Variants in ADGRG6 observed in about 807,000 individuals in gnomAD.
ADGRG6 encodes the protein adhesion G protein-coupled receptor G6, also known as G-protein coupled receptor 126.
In ADGRG6, 84 loss-of-function variants were observed where a neutral mutation model predicts 142.4. That is an observed-to-expected ratio of 0.59 (90% confidence interval 0.49 to 0.71). The LOEUF (loss-of-function observed/expected upper bound fraction) is 0.71, where lower values mean the gene tolerates loss of function less well. ADGRG6 is among the 30% of genes least tolerant of loss of function. ADGRG6 has a pLI of 0.00. For missense variants in ADGRG6, 1,367 were observed against 1,466.6 expected (o/e 0.93, Z 1.11); for synonymous variants, 521 against 520.5 (o/e 1.00, Z -0.01).
intron 22 of ADGRG6, among the ~76,000 whole-genome samples, chr6:142,433,544 G>C (rs1777319606): frequency 6.6e-6 from 1 of 152,110 alleles, no homozygotes; most frequent in Non-Finnish European, 1.5e-5. Flanking sequence ...AGGAGGATCA[G>C]CCTGCAAAGC....
chr6:142,405,931 G>T, intron 15 of ADGRG6, 103 bp downstream of exon 15: 2 of 788,206 alleles, frequency 2.5e-6, no homozygotes, highest in South Asian at 2.4e-5. Context: ...AGAAGGTTTA[G>T]AAAAATTTAC....
At chr6:142,321,847 A>G (rs967481743) in intron 2 of ADGRG6, among the ~76,000 whole-genome samples, 2 of 152,184 alleles carry the variant, frequency 1.3e-5, no homozygotes, top group African/African-American at 2.4e-5. Context: ...TTATACCTCT[A>G]TTAGAACAGT....
chr6:142,307,606 G>T (rs1430066212), intron 1 of ADGRG6, among the ~76,000 whole-genome samples: 1 of 151,988 alleles, frequency 6.6e-6, no homozygotes, highest in East Asian at 1.9e-4. Flanking sequence ...CAGAAGAAAA[G>T]ACTAAGGGTT....
chr6:142,413,482 G>A (rs1358151930), intron 18 of ADGRG6, among the ~76,000 whole-genome samples: 2 of 152,124 alleles, frequency 1.3e-5, no homozygotes, highest in Non-Finnish European at 2.9e-5. Context: ...AAAACAACAT[G>A]AAATTGTGTA....
chr6:142,354,571 G>T (rs984177313), intron 2 of ADGRG6, among the ~76,000 whole-genome samples: 3 of 152,002 alleles, frequency 2.0e-5, no homozygotes, highest in Non-Finnish European at 4.4e-5. Context: ...TTGATTATTT[G>T]TATAAGACAA....
intron 2 of ADGRG6, among the ~76,000 whole-genome samples, chr6:142,359,399 A>G (rs1429610982): frequency 6.6e-6 from 1 of 151,908 alleles, no homozygotes; most frequent in Non-Finnish European, 1.5e-5. Flanking sequence ...TTTACACACG[A>G]TGCTCCAGCT....
chr6:142,317,306 G>A (rs985350548), intron 2 of ADGRG6, among the ~76,000 whole-genome samples: 7 of 151,936 alleles, frequency 4.6e-5, no homozygotes, highest in Non-Finnish European at 1.0e-4. Context: ...GATATTTAAG[G>A]TAGTGTCCAT....
intron 2 of ADGRG6, among the ~76,000 whole-genome samples, chr6:142,356,272 A>T (rs1780440198): frequency 1.3e-5 from 2 of 152,228 alleles, no homozygotes; most frequent in Non-Finnish European, 2.9e-5. Context: ...CACACTCTAA[A>T]TCTTCACAAT....
intron 14 of ADGRG6, 181 bp from the exon 15 acceptor site, chr6:142,405,507 T>C: frequency 2.9e-6 from 2 of 678,178 alleles, no homozygotes; most frequent in Middle Eastern, 2.7e-4. Flanking sequence ...AAATGAGATC[T>C]ACAGCTCTGT....
At chr6:142,350,422 A>G (rs9496350) in intron 2 of ADGRG6, among the ~76,000 whole-genome samples, 2,081 of 152,300 alleles carry the variant, frequency 0.014, 57 homozygotes, top group African/African-American at 0.047. Flanking sequence ...ACCAGCAGTA[A>G]TATTCTACTA....
chr6:142,372,985 ACAC>A (rs1781326782), intron 4 of ADGRG6, among the ~76,000 whole-genome samples: 1 of 152,244 alleles, frequency 6.6e-6, no homozygotes, highest in Non-Finnish European at 1.5e-5. Flanking sequence ...TAAATTGAAC[ACAC>A]ATTTTGTACT....
At chr6:142,384,041 G>A (rs1294832604) in intron 6 of ADGRG6, among the ~76,000 whole-genome samples, 198 bp downstream of exon 6, 1 of 152,038 alleles carries the variant, frequency 6.6e-6, no homozygotes, top group Non-Finnish European at 1.5e-5. Flanking sequence ...AGTGGAATGA[G>A]TACATCTCCA....
At chr6:142,442,414 A>G (rs1192559372) in intron 24 of ADGRG6, among the ~76,000 whole-genome samples, 1 of 152,162 alleles carries the variant, frequency 6.6e-6, no homozygotes, top group African/African-American at 2.4e-5. Flanking sequence ...GTCTTTATAG[A>G]TAATAGAGCA....
chr6:142,370,820 T>TG, intron 4 of ADGRG6, 27 bp downstream of exon 4: 1 of 1,609,732 alleles, frequency 6.2e-7, no homozygotes, highest in Non-Finnish European at 8.5e-7. Context: ...TTCCTTTTTT[T>TG]TTTTTTTTTT....
intron 2 of ADGRG6, among the ~76,000 whole-genome samples, chr6:142,318,572 A>G (rs1562308260): frequency 1.3e-5 from 2 of 150,342 alleles, no homozygotes; most frequent in East Asian, 3.9e-4. Context: ...GCGATTTAGT[A>G]GAATTATAGA....
chr6:142,434,376 G>A (rs1424556989), intron 22 of ADGRG6, among the ~76,000 whole-genome samples: 1 of 151,350 alleles, frequency 6.6e-6, no homozygotes. Context: ...CCAGGATGGA[G>A]TGGAATGGCA....
chr6:142,389,763 A>G (rs1309815283), intron 6 of ADGRG6, among the ~76,000 whole-genome samples: 1 of 151,834 alleles, frequency 6.6e-6, no homozygotes, highest in Non-Finnish European at 1.5e-5. Flanking sequence ...TAAGCAGGGG[A>G]AAGAGAGGAA....
intron 4 of ADGRG6, among the ~76,000 whole-genome samples, chr6:142,376,328 C>T (rs1021075874): frequency 1.3e-5 from 2 of 152,108 alleles, no homozygotes; most frequent in Non-Finnish European, 2.9e-5. Context: ...TACAGTATAA[C>T]GCAATGAATA....
Position 142,445,617 on chromosome 6 carries a change from A to G in ADGRG6, c.*2102A>G, listed in dbSNP as rs1477862239. ...GTCAGCTCCACTTTAGAAATTTTCA[A>G]TAACCAGATGAGAAAAAAATTAAGA... On this transcript the variant is annotated 3_prime_UTR_variant, in exon 25 of 25. Coordinates refer to ENST00000367609, the MANE Select transcript of ADGRG6 (RefSeq NM_198569.3). 6.6e-6 allele frequency: 1 copy of G among 152,196 alleles called. No homozygotes were observed. Among genetic ancestry groups the G allele is most frequent in the African/African-American group, 2.4e-5 (1 of 41,450 alleles). 9.4% of individuals were successfully genotyped at this position (152,196 alleles called of 1,614,324 possible). A position where few individuals can be genotyped will look rare whatever the true frequency, so the allele number is the denominator to read the frequency against.
Sources: gnomAD v4.1 joint callset for allele counts (sites outside exome capture counted in the v4.1 genomes callset) on GRCh38, gnomAD v4.1.1 for gene constraint, MANE v1.5 for transcripts, NCBI Gene and HGNC (gene_info 2026-07-23, HGNC 2026-07-21) for gene names.